DLG2: variants seen among roughly 807,000 people sequenced by gnomAD.
DLG2 encodes disks large homolog 2.
DLG2 carries 45 observed loss-of-function variants against 132.5 expected under a neutral mutation model. The observed-to-expected ratio is 0.34, with a 90% CI of 0.27 to 0.44. The LOEUF is 0.44. Ranked by LOEUF, DLG2 falls within the 20% of genes least tolerant of loss-of-function variation. DLG2 has a pLI of 1.00. For synonymous variants in DLG2, 424 were observed against 419.6 expected (o/e 1.01, Z -0.13); for missense variants, 1,045 against 1,196.9 (o/e 0.87, Z 1.87).
intron 7 of DLG2, among the ~76,000 whole-genome samples, chr11:84,473,719 CCCTGTTT>C (rs1162857170): frequency 2.0e-5 from 3 of 151,892 alleles, no homozygotes; most frequent in South Asian, 2.1e-4. Flanking sequence ...TAAGTGATTT[CCCTGTTT>C]CCTTTATATG....
In DLG2 at chr11:84,917,132, T is replaced by C. The variant is rs570071561; in HGVS notation, c.357+194529A>G. 2.6e-5 allele frequency among the ~76,000 whole-genome samples: 4 copies of C among 152,340 alleles called. 1 individual carries two copies. In the South Asian group the frequency reaches 8.3e-4, roughly 32 times the overall value. The stretch of plus-strand genomic sequence containing the variant: ...ATAAGTTCTATGAGGGTAGAGATTA[T>C]TGTCTGTTTTATTTTACCCTTTATT... On this transcript the variant is annotated intron_variant, in intron 6 of 27. Transcript: ENST00000376104.
intron 21 of DLG2, among the ~76,000 whole-genome samples, chr11:83,526,869 C>T (rs965438806): frequency 8.5e-5 from 13 of 152,094 alleles, no homozygotes; most frequent in Non-Finnish European, 1.3e-4. Context: ...GCACTGAAAA[C>T]GTGTTTTCTG....
intron 8 of DLG2, among the ~76,000 whole-genome samples, chr11:84,173,197 A>G (rs1306741125): frequency 1.3e-5 from 2 of 152,178 alleles, no homozygotes; most frequent in East Asian, 3.8e-4. Flanking sequence ...GAAGGAGTCC[A>G]TTTTCTCTCA....
intron 6 of DLG2, among the ~76,000 whole-genome samples, chr11:84,747,915 G>A (rs1248146216): frequency 6.6e-6 from 1 of 152,124 alleles, no homozygotes; most frequent in Non-Finnish European, 1.5e-5. Flanking sequence ...ACAACAGCCA[G>A]GCCCCACTTA....
chr11:84,618,071 G>GTA lies in DLG2; in HGVS notation c.358-83342_358-83341dup, dbSNP rs529457000. On this transcript the variant is annotated intron_variant, in intron 6 of 27. Coordinates refer to ENST00000376104, the MANE Select transcript of DLG2 (RefSeq NM_001142699.3). ...GAAACTTAAACGCTGAAGTATCCTG[G>GTA]TAGGTAAATAGTAAAAAGCATCTGA... Among the ~76,000 whole-genome samples, 80 of 152,176 alleles carry GTA rather than the reference G, an allele frequency of 5.3e-4. 1 individual carries two copies. Among genetic ancestry groups the GTA allele is most frequent in the African/African-American group, 1.9e-3 (79 of 41,534 alleles).
At chr11:83,843,449 C>T (rs2058025223) in intron 16 of DLG2, among the ~76,000 whole-genome samples, 2 of 152,200 alleles carry the variant, frequency 1.3e-5, no homozygotes, top group African/African-American at 2.4e-5. Context: ...ACTGCCTTTA[C>T]TGTTCTGAAA....
At chr11:84,318,847 G>A (rs775187109) in intron 7 of DLG2, among the ~76,000 whole-genome samples, 8 of 152,062 alleles carry the variant, frequency 5.3e-5, no homozygotes, top group African/African-American at 1.9e-4. Context: ...CTTTCACACC[G>A]TCCACCACAA....
chr11:85,167,587 C>T lies in DLG2; in HGVS notation c.187-12936G>A, dbSNP rs570184205. Among the ~76,000 whole-genome samples, 167 of 152,162 alleles carry T rather than the reference C, an allele frequency of 1.1e-3. 1 individual carries two copies. Among genetic ancestry groups the T allele is most frequent in the Admixed American group, 1.2e-3 (19 of 15,258 alleles). On this transcript the variant is annotated intron_variant, in intron 4 of 27. Transcript: ENST00000376104. ...AAGACACAAAGAAGACAAGAAGAACCTGAACAAACAGGCCTTAAGTCTGCC... is the reference window on the plus strand; with the variant it reads ...AAGACACAAAGAAGACAAGAAGAACTTGAACAAACAGGCCTTAAGTCTGCC...
intron 7 of DLG2, among the ~76,000 whole-genome samples, chr11:84,519,454 T>C (rs956839705): frequency 2.0e-5 from 3 of 152,192 alleles, no homozygotes; most frequent in Non-Finnish European, 4.4e-5. Flanking sequence ...CTTGAATAGA[T>C]GGTGAAAGCT....
intron 2 of DLG2, among the ~76,000 whole-genome samples, chr11:85,616,067 A>G (rs566810463): frequency 8.5e-5 from 13 of 152,332 alleles, no homozygotes; most frequent in Middle Eastern, 3.4e-3. Context: ...AAAAATTTGA[A>G]GCTCTATCTG....
intron 6 of DLG2, among the ~76,000 whole-genome samples, chr11:84,610,838 C>T (rs536432937): frequency 5.8e-4 from 88 of 152,190 alleles, no homozygotes; most frequent in African/African-American, 2.0e-3. Context: ...ATTACTGTTC[C>T]ACCTTTTCTC....
chr11:84,444,562 C>G (rs906129028), intron 7 of DLG2, among the ~76,000 whole-genome samples: 1 of 151,680 alleles, frequency 6.6e-6, no homozygotes, highest in Non-Finnish European at 1.5e-5. Context: ...TTCTAATGTC[C>G]CTGAGTTATA....
intron 11 of DLG2, among the ~76,000 whole-genome samples, chr11:84,001,541 A>G (rs1192482633): frequency 1.3e-5 from 2 of 152,152 alleles, no homozygotes; most frequent in East Asian, 1.9e-4. Flanking sequence ...TAGACAGATC[A>G]TTTACACAGA....
At chr11:84,880,032 G>A (rs1320419376) in intron 6 of DLG2, among the ~76,000 whole-genome samples, 2 of 152,076 alleles carry the variant, frequency 1.3e-5, no homozygotes, top group East Asian at 3.9e-4. Context: ...ACTATAAAGT[G>A]ATTTTTTAAA....
At chr11:83,993,118 C>T (rs1174717499) in intron 11 of DLG2, among the ~76,000 whole-genome samples, 2 of 152,060 alleles carry the variant, frequency 1.3e-5, no homozygotes, top group Admixed American at 6.6e-5. Context: ...AATTGCCTTA[C>T]ATATTAATCT....
At chr11:84,922,997 T>C (rs898022920) in intron 6 of DLG2, 3 of 1,568,814 alleles carry the variant, frequency 1.9e-6, no homozygotes, top group South Asian at 2.2e-5. Context: ...CGAAAAGTCC[T>C]GAAGCTACAC....
At chr11:84,922,526 C>T (rs1412279995) in intron 6 of DLG2, among the ~76,000 whole-genome samples, 1 of 152,194 alleles carries the variant, frequency 6.6e-6, no homozygotes, top group Non-Finnish European at 1.5e-5. Flanking sequence ...GCAGCTGAAG[C>T]AACCAGCCCA....
At chr11:85,338,894 C>T (rs952417204) in intron 3 of DLG2, among the ~76,000 whole-genome samples, 21 of 151,818 alleles carry the variant, frequency 1.4e-4, no homozygotes, top group South Asian at 2.1e-4. Flanking sequence ...TTAGTAGAGA[C>T]GGGGTTTCAC....
chr11:85,150,714 G>A (rs1015950102), intron 5 of DLG2, among the ~76,000 whole-genome samples: 14 of 146,508 alleles, frequency 9.6e-5, no homozygotes, highest in Admixed American at 6.1e-4. Context: ...GTGTGTGTGT[G>A]TGTGTGTGTG....
Sources: allele counts gnomAD v4.1 joint callset (sites outside exome capture counted in the v4.1 genomes callset), GRCh38; gene constraint gnomAD v4.1.1; transcripts MANE v1.5; gene names NCBI Gene and HGNC (gene_info 2026-07-23, HGNC 2026-07-21).